TC2N: variants seen among roughly 807,000 people sequenced by gnomAD.
TC2N encodes tandem C2 domains, nuclear.
A neutral mutation model predicts 61.9 loss-of-function variants in TC2N; 51 were observed. The ratio of observed to expected loss-of-function variants is 0.82; its 90% confidence interval spans 0.66 to 1.04. The LOEUF (loss-of-function observed/expected upper bound fraction) is 1.04, where lower values mean the gene tolerates loss of function less well. Among genes scored for constraint, TC2N ranks in the 50% least tolerant of loss-of-function variants. The pLI is 0.00. For synonymous variants in TC2N, 204 were observed against 192.6 expected (o/e 1.06, Z -0.49); for missense variants, 556 against 566.7 (o/e 0.98, Z 0.19).
intron 1 of TC2N, among the ~76,000 whole-genome samples, chr14:91,852,086 T>A (rs1888385988): frequency 6.6e-6 from 1 of 152,204 alleles, no homozygotes; most frequent in African/African-American, 2.4e-5. Context: ...TCCTTAACAT[T>A]GTACTTGTGA....
At chr14:91,819,297 T>C (rs1887141439) in intron 1 of TC2N, among the ~76,000 whole-genome samples, 1 of 151,968 alleles carries the variant, frequency 6.6e-6, no homozygotes, top group South Asian at 2.1e-4. Context: ...GCCACTGCAC[T>C]CCAGCCTGGG....
intron 1 of TC2N, among the ~76,000 whole-genome samples, chr14:91,859,226 G>A (rs1888543586): frequency 2.0e-5 from 3 of 152,016 alleles, no homozygotes; most frequent in African/African-American, 7.3e-5. Flanking sequence ...AATTCAGCAT[G>A]TTTTATTTGT....
At chr14:91,804,300 A>G (rs980250202) in intron 3 of TC2N, among the ~76,000 whole-genome samples, 1 of 152,208 alleles carries the variant, frequency 6.6e-6, no homozygotes, top group Non-Finnish European at 1.5e-5. Context: ...CTAAAGCCGA[A>G]GATATTTATA....
chr14:91,782,857 A>C lies in TC2N; in HGVS notation c.*243T>G. ...TATAATTTATTTAGTCATCCTAATA[A>C]TACTTTGATTTTACTGTCTGTGTCT... is the stretch of plus-strand genomic sequence containing the variant. On this transcript the variant is annotated 3_prime_UTR_variant, in exon 12 of 12. Coordinates refer to ENST00000435962, the MANE Select transcript of TC2N (RefSeq NM_001128596.3). The C allele has an allele frequency of 2.4e-6, 1 of 414,872 alleles. No homozygotes were observed. The highest frequency in any genetic ancestry group is 4.3e-5 in the South Asian group (1 of 23,124). 25.7% of individuals were successfully genotyped at this position (414,872 alleles called of 1,614,324 possible). A position where few individuals can be genotyped will look rare whatever the true frequency, so the allele number is the denominator to read the frequency against.
chr14:91,848,113 T>C (rs1449965084), intron 1 of TC2N, among the ~76,000 whole-genome samples: 1 of 152,220 alleles, frequency 6.6e-6, no homozygotes. Flanking sequence ...ACATGCTTAT[T>C]TTTGAACCAA....
In TC2N at chr14:91,802,343, T is replaced by C. The variant is rs774028396; in HGVS notation, c.380A>G (p.Tyr127Cys). The C allele has an allele frequency of 2.5e-6, 4 of 1,612,494 alleles. No individual in the cohort carries two copies. Among genetic ancestry groups the C allele is most frequent in the Admixed American group, 1.7e-5 (1 of 59,680 alleles). Residue 127 changes from tyrosine (Y) to cysteine (C), a missense_variant, in exon 4 of 12, where the codon TAT (tyrosine) becomes TGT (cysteine). Tyr to Cys is a radical substitution (Grantham distance 194, BLOSUM62 -2). Coordinates refer to ENST00000435962, the MANE Select transcript of TC2N (RefSeq NM_001128596.3). Reference protein sequence around the residue: ...SSQHGPSYDVYNPFYMYQHIS... With the variant: ...SSQHGPSYDVCNPFYMYQHIS... ...GTGCTGATACATATAGAATGGGTTA[T>C]ACACATCATAGCTAGGTCCGTGCTG...
intron 1 of TC2N, among the ~76,000 whole-genome samples, chr14:91,821,134 A>T (rs1284508739): frequency 2.0e-5 from 3 of 151,960 alleles, no homozygotes; most frequent in Non-Finnish European, 4.4e-5. Flanking sequence ...TGATCCTAAA[A>T]CTCATATGGG....
At chr14:91,793,306 T>G (rs1885746930) in intron 8 of TC2N, among the ~76,000 whole-genome samples, 1 of 152,220 alleles carries the variant, frequency 6.6e-6, no homozygotes, top group African/African-American at 2.4e-5. Context: ...CTTCTTTCCA[T>G]CTTTAATGCA....
chr14:91,863,360 G>C (rs995383827), intron 1 of TC2N, among the ~76,000 whole-genome samples: 1 of 152,312 alleles, frequency 6.6e-6, no homozygotes, highest in Middle Eastern at 3.4e-3. Context: ...AAGACACCAA[G>C]CAAGGAGAAT....
At chr14:91,834,250 A>G (rs375281338) in intron 1 of TC2N, among the ~76,000 whole-genome samples, 7 of 152,170 alleles carry the variant, frequency 4.6e-5, no homozygotes, top group East Asian at 3.8e-4. Flanking sequence ...ACCAAACAAA[A>G]CACCACTAAA....
chr14:91,798,414 G>C lies in TC2N; in HGVS notation c.638-15C>G. Reference sequence around the variant, plus strand: ...AGTAATTGTATCTGAATTATAAAAGGACAAAGATGTTTCAAATGCCATGCA... The same window carrying C: ...AGTAATTGTATCTGAATTATAAAAGCACAAAGATGTTTCAAATGCCATGCA... On this transcript the variant is annotated splice_polypyrimidine_tract_variant and intron_variant, in intron 6 of 11. Transcript: ENST00000435962. The C allele has an allele frequency of 7.1e-7, 1 of 1,404,994 alleles. No homozygotes were observed. The highest frequency in any genetic ancestry group is 9.9e-7 in the Non-Finnish European group (1 of 1,007,880). 87.0% of individuals were successfully genotyped at this position (1,404,994 alleles called of 1,614,324 possible).
chr14:91,849,701 A>G (rs1210925953), intron 1 of TC2N, among the ~76,000 whole-genome samples: 1 of 152,194 alleles, frequency 6.6e-6, no homozygotes, highest in Non-Finnish European at 1.5e-5. Context: ...ATTTGCATAA[A>G]TGTTTATTTT....
At chr14:91,829,647 T>C (rs1284017521) in intron 1 of TC2N, among the ~76,000 whole-genome samples, 2 of 152,152 alleles carry the variant, frequency 1.3e-5, no homozygotes, top group Non-Finnish European at 2.9e-5. Flanking sequence ...TAATGATCTA[T>C]GACTGGTTTT....
intron 3 of TC2N, among the ~76,000 whole-genome samples, chr14:91,806,529 C>T (rs1464516257): frequency 6.6e-6 from 1 of 152,136 alleles, no homozygotes; most frequent in East Asian, 1.9e-4. Flanking sequence ...AAAAGTGGCT[C>T]TTGCTATGTT....
At chr14:91,866,487 A>G (rs1888705933) in intron 1 of TC2N, 1 of 152,244 alleles carries the variant, frequency 6.6e-6, no homozygotes, top group Non-Finnish European at 1.5e-5. Context: ...AAACTTCAGA[A>G]TTAGAAGCAA....
At chr14:91,814,064 AAG>A (rs1886896854) in intron 1 of TC2N, among the ~76,000 whole-genome samples, 1 of 151,592 alleles carries the variant, frequency 6.6e-6, no homozygotes, top group South Asian at 2.1e-4. Flanking sequence ...TGGAAAAAAA[AAG>A]AAAAATTCCA....
rs1888726974 is a variant in TC2N, at chr14:91,867,460, G to A, written c.-255C>T. On this transcript the variant is annotated 5_prime_UTR_variant, in exon 1 of 12. The change creates a premature stop within an existing upstream ORF in the 5' untranslated region. Transcript: ENST00000435962. ...GTGAGTCCCAAGGGAATCACCCTCT[G>A]TTTTATAAGCTTTGAAACCAGAGCA... 2 of 152,220 alleles carry A rather than the reference G, an allele frequency of 1.3e-5. No individual in the cohort carries two copies. Among genetic ancestry groups the A allele is most frequent in the Non-Finnish European group, 2.9e-5 (2 of 68,066 alleles). 9.4% of individuals were successfully genotyped at this position (152,220 alleles called of 1,614,324 possible).
intron 1 of TC2N, among the ~76,000 whole-genome samples, chr14:91,852,156 G>A (rs1029749495): frequency 3.9e-5 from 6 of 152,344 alleles, no homozygotes; most frequent in Admixed American, 6.5e-5. Context: ...GGCCAAGCGC[G>A]GTGGCTCACG....
At chr14:91,793,000 G>T (rs1393532547) in intron 8 of TC2N, among the ~76,000 whole-genome samples, 1 of 152,060 alleles carries the variant, frequency 6.6e-6, no homozygotes, top group Non-Finnish European at 1.5e-5. Context: ...TTCTTTAAAG[G>T]AGTTATTTTT....
Sources: allele counts gnomAD v4.1 joint callset (sites outside exome capture counted in the v4.1 genomes callset), GRCh38; gene constraint gnomAD v4.1.1; transcripts MANE v1.5; gene names NCBI Gene and HGNC (gene_info 2026-07-23, HGNC 2026-07-21).